Variants in MON2 observed in about 807,000 individuals in gnomAD.
MON2 encodes the protein MON2 regulator of endosome-to-Golgi trafficking, also known as protein MON2 homolog.
MON2 carries 84 observed loss-of-function variants against 208.6 expected under a neutral mutation model. The observed-to-expected ratio is 0.40, with a 90% CI of 0.34 to 0.48. The LOEUF is 0.48. MON2 is among the 20% of genes least tolerant of loss of function. The probability of loss-of-function intolerance (pLI) is 0.59; values close to 1 mark genes in which losing one functional copy is unlikely to be tolerated. For missense variants in MON2, 1,611 were observed against 2,015.4 expected (o/e 0.80, Z 3.84); for synonymous variants, 660 against 694.0 (o/e 0.95, Z 0.77).
intron 25 of MON2, among the ~76,000 whole-genome samples, chr12:62,556,737 G>C (rs1220742391): frequency 6.6e-6 from 1 of 152,104 alleles, no homozygotes. Context: ...GAGATTGAGA[G>C]GTAGTGAAAG....
chr12:62,541,975 G>T (rs988102112), intron 19 of MON2, among the ~76,000 whole-genome samples: 2 of 151,906 alleles, frequency 1.3e-5, no homozygotes, highest in African/African-American at 4.8e-5. Context: ...CATTTTTTAG[G>T]TTTAAAAAAT....
Position 62,547,045 on chromosome 12 carries a change from T to C in MON2, c.2726T>C (p.Val909Ala), listed in dbSNP as rs757349301. Residue 909 changes from valine (V) to alanine (A), a missense_variant, in exon 22 of 35, where the codon GTC becomes GCC. Physicochemically the swap from Val to Ala is moderately conservative, Grantham distance 64. Transcript: ENST00000393630. ...CCTGGATGGCCATTAGTGCTTGGAG[T>C]CATGGGAGCAATCAGAAATGATCAA... ...LGPGWPLVLG[V>A]MGAIRNDQGE... The C allele has an allele frequency of 3.1e-6, 5 of 1,591,914 alleles. No individual in the cohort carries two copies. The highest frequency in any genetic ancestry group is 4.3e-6 in the Non-Finnish European group (5 of 1,167,890).
intron 26 of MON2, among the ~76,000 whole-genome samples, chr12:62,563,258 G>A (rs184763319): frequency 1.3e-5 from 2 of 152,212 alleles, no homozygotes; most frequent in East Asian, 3.9e-4. Context: ...ACAACTTTTT[G>A]CTTGTTATGT....
At chr12:62,520,051 G>A (rs1305414842) in intron 8 of MON2, among the ~76,000 whole-genome samples, 3 of 152,160 alleles carry the variant, frequency 2.0e-5, no homozygotes, top group Non-Finnish European at 4.4e-5. Context: ...TCCTGACCTC[G>A]TGATCTGCCC....
intron 14 of MON2, among the ~76,000 whole-genome samples, chr12:62,536,224 A>ATT (rs11379977): frequency 1.3e-5 from 2 of 150,904 alleles, no homozygotes; most frequent in Non-Finnish European, 3.0e-5. Flanking sequence ...GGTGATTGTT[A>ATT]TTTTTTTTTA....
rs773448395 is a variant in MON2, at chr12:62,494,049, T to C, written c.303+7T>C. 22 of 1,608,252 alleles carry C rather than the reference T, an allele frequency of 1.4e-5. No homozygotes were observed. The highest frequency in any genetic ancestry group is 1.7e-5 in the Non-Finnish European group (20 of 1,176,472). The stretch of plus-strand genomic sequence containing the variant: ...ACATGAAGTCGTGTCTGAGGTAATA[T>C]GAAGATTTTATCTAAACTTCACCTA... On this transcript the variant is annotated splice_region_variant and intron_variant, in intron 3 of 34. Transcript: ENST00000393630.
chr12:62,486,252 T>G (rs1423546864), intron 2 of MON2, among the ~76,000 whole-genome samples: 1 of 127,078 alleles, frequency 7.9e-6, no homozygotes, highest in Non-Finnish European at 1.9e-5. Flanking sequence ...GGAAGACTTT[T>G]TTTAAAAAAA....
intron 8 of MON2, among the ~76,000 whole-genome samples, chr12:62,517,741 A>G (rs1161070987): frequency 6.6e-6 from 1 of 152,204 alleles, no homozygotes; most frequent in African/African-American, 2.4e-5. Context: ...TCTGTCATTT[A>G]AGCCACCCAG....
At chr12:62,508,504 T>C in intron 8 of MON2, 24 bp downstream of exon 8, 2 of 1,597,698 alleles carry the variant, frequency 1.3e-6, no homozygotes, top group East Asian at 2.2e-5. Context: ...TCCTTATGTA[T>C]TTGTGTATAT....
chr12:62,507,887 G>C (rs2071186722), intron 7 of MON2, among the ~76,000 whole-genome samples: 1 of 152,062 alleles, frequency 6.6e-6, no homozygotes, highest in Admixed American at 6.6e-5. Context: ...TTCCACCTCA[G>C]CCTCCCAAAT....
rs1453278197 is a variant in MON2 at position 62,588,167 on chromosome 12, A to G, written c.4990+11A>G. The G allele has an allele frequency of 1.3e-6, 2 of 1,512,036 alleles. No homozygotes were observed. The highest frequency in any genetic ancestry group is 1.4e-5 in the African/African-American group (1 of 72,032). The allele number at this position is 1,512,036 out of a possible 1,614,324, so 93.7% of individuals were successfully genotyped here. A position where few individuals can be genotyped will look rare whatever the true frequency, so the allele number is the denominator to read the frequency against. ...CTCAGCCTGAGAATGGTAAGTGCTT[A>G]GAAACAGTTATTCTAAATTCGTAAC... On this transcript the variant is annotated intron_variant, in intron 34 of 34. Transcript: ENST00000393630.
At position 62,571,440 on chromosome 12, in the gene MON2, A is replaced by G; in HGVS notation, c.4372A>G (p.Thr1458Ala). Residue 1458 changes from threonine (T) to alanine (A), a missense_variant, in exon 30 of 35, where the codon ACA becomes GCA. Coordinates refer to ENST00000393630, the MANE Select transcript of MON2 (RefSeq NM_015026.3). ...GAAGTATTCCTGCCCTTCTGAAAGC[A>G]CATGGAAACTAGCAGTATCCTCTCT... Reference protein sequence around the residue: ...SLKYSCPSESTWKLAVSSLLR... With the variant: ...SLKYSCPSESAWKLAVSSLLR... 6.2e-7 allele frequency: 1 copy of G among 1,613,210 alleles called. No homozygotes were observed. The highest frequency in any genetic ancestry group is 2.2e-5 in the East Asian group (1 of 44,852).
intron 11 of MON2, among the ~76,000 whole-genome samples, chr12:62,526,598 T>G (rs564465825): frequency 1.1e-4 from 17 of 152,300 alleles, no homozygotes; most frequent in African/African-American, 3.8e-4. Flanking sequence ...ATTTTAGTTT[T>G]TAATTAATTA....
chr12:62,489,161 T>A (rs1392942986), intron 2 of MON2, among the ~76,000 whole-genome samples: 1 of 152,140 alleles, frequency 6.6e-6, no homozygotes, highest in Non-Finnish European at 1.5e-5. Flanking sequence ...GGTATGAATA[T>A]GTTTAAAATT....
At chr12:62,511,438 G>A (rs2071393402) in intron 8 of MON2, among the ~76,000 whole-genome samples, 1 of 152,148 alleles carries the variant, frequency 6.6e-6, no homozygotes, top group Non-Finnish European at 1.5e-5. Context: ...GAACAGAATG[G>A]AGAGCCCAAA....
At chr12:62,477,013 G>A (rs1323096721) in intron 1 of MON2, among the ~76,000 whole-genome samples, 2 of 152,058 alleles carry the variant, frequency 1.3e-5, no homozygotes, top group African/African-American at 4.8e-5. Context: ...AGCTGGACGT[G>A]GTGGTGTGTG....
At position 62,525,181 on chromosome 12, in the gene MON2, G is replaced by T; in HGVS notation, c.1207G>T (p.Val403Phe). Residue 403 changes from valine (V) to phenylalanine (F), a missense_variant, in exon 10 of 35, where the codon GTC becomes TTC. Physicochemically the swap from Val to Phe is conservative, Grantham distance 50 (BLOSUM62 -1). Transcript: ENST00000393630. The stretch of plus-strand genomic sequence containing the variant: ...ATCTTTTATACAGTCCTTGTTTCTT[G>T]TCCCCCCTACTGGAAATCCTGCAAC... ...LGSFIQSLFL[V>F]PPTGNPATSN... 1 of 1,613,180 alleles carries T rather than the reference G, an allele frequency of 6.2e-7. No homozygotes were observed. Among genetic ancestry groups the T allele is most frequent in the Non-Finnish European group, 8.5e-7 (1 of 1,179,434 alleles).
chr12:62,495,916 T>C (rs2136057864), intron 4 of MON2, among the ~76,000 whole-genome samples: 1 of 152,156 alleles, frequency 6.6e-6, no homozygotes, highest in East Asian at 1.9e-4. Flanking sequence ...CTTTGGAACA[T>C]GTAAGAGCCA....
intron 32 of MON2, 54 bp from the exon 33 acceptor site, chr12:62,585,240 T>TTAAAGCTCATTGATTTAACTTC: frequency 7.2e-7 from 1 of 1,391,304 alleles, no homozygotes; most frequent in Non-Finnish European, 1.0e-6. Flanking sequence ...ATTGTTATCA[T>TTAAAGCTCATTGATTTAACTTC]TAAAGCTCAT....
Sources: gnomAD v4.1 joint callset for allele counts (sites outside exome capture counted in the v4.1 genomes callset) on GRCh38, gnomAD v4.1.1 for gene constraint, MANE v1.5 for transcripts, NCBI Gene and HGNC (gene_info 2026-07-23, HGNC 2026-07-21) for gene names.